The following KIF1B variants were observed in gnomAD, a reference collection of about 807,000 sequenced individuals.
The protein encoded by KIF1B is kinesin family member 1B.
KIF1B carries 76 observed loss-of-function variants against 241.9 expected under a neutral mutation model. The ratio of observed to expected loss-of-function variants is 0.31; its 90% CI spans 0.26 to 0.38. KIF1B has a LOEUF of 0.38. Ranked by LOEUF, KIF1B falls within the 10% of genes least tolerant of loss-of-function variation. The pLI, the probability that KIF1B is intolerant of heterozygous loss-of-function variation, is 1.00. For missense variants in KIF1B, 1,622 were observed against 2,271.4 expected, an observed-to-expected ratio of 0.71 and a Z score of 5.81; for synonymous variants, 750 against 796.7, an observed-to-expected ratio of 0.94 and a Z score of 0.99.
chr1:10,215,162 ATATATATATATTTTT>A (rs1359991361), intron 1 of KIF1B, among the ~76,000 whole-genome samples: 77 of 71,176 alleles, frequency 1.1e-3, no homozygotes, highest in African/African-American at 5.8e-3. Context: ...ATATATATAT[ATATATATATATTTTT>A]TTTTTTTTTT....
At chr1:10,294,950 C>T (rs1390103039) in intron 17 of KIF1B, 136 bp from the exon 18 acceptor site, 4 of 722,604 alleles carry the variant, frequency 5.5e-6, no homozygotes, top group Non-Finnish European at 1.0e-5. Context: ...TATGGAACCG[C>T]AACTAGGGAT....
Position 10,258,784 on chromosome 1 carries a change from A to G in KIF1B, c.363+112A>G, listed in dbSNP as rs946435419. 3.7e-6 allele frequency: 4 copies of G among 1,084,308 alleles called. No individual in the cohort carries two copies. In the African/African-American group the frequency reaches 4.7e-5, roughly 13 times the overall value. 67.2% of individuals were successfully genotyped at this position (1,084,308 alleles called of 1,614,324 possible). On this transcript the variant is annotated intron_variant, in intron 4 of 48. Coordinates refer to ENST00000676179, the MANE Select transcript of KIF1B (RefSeq NM_001365951.3). ...ATTTATGCGGGGATTGTTTTATGTC[A>G]GGCACAAAGATGAACAACCCATTAT...
intron 22 of KIF1B, chr1:10,307,740 G>A (rs1650900083): frequency 5.8e-6 from 6 of 1,032,756 alleles, no homozygotes; most frequent in Non-Finnish European, 5.8e-6. Context: ...TGGGAAAAAA[G>A]TGTTTATTCT....
At chr1:10,280,284 G>A (rs1649341654) in intron 14 of KIF1B, among the ~76,000 whole-genome samples, 1 of 151,838 alleles carries the variant, frequency 6.6e-6, no homozygotes, top group African/African-American at 2.4e-5. Context: ...CGCTAGGCTG[G>A]AGTTCAGTGG....
At chr1:10,305,191 A>G (rs1270780621) in intron 22 of KIF1B, 6 of 1,047,034 alleles carry the variant, frequency 5.7e-6, no homozygotes, top group South Asian at 4.5e-5. Flanking sequence ...AGCCAAAACT[A>G]AAGGTCTTCA....
chr1:10,281,526 T>C (rs1052444341), intron 14 of KIF1B, among the ~76,000 whole-genome samples: 1 of 152,188 alleles, frequency 6.6e-6, no homozygotes, highest in Non-Finnish European at 1.5e-5. Context: ...CAGTGACCCA[T>C]GGTTGTACTG....
intron 2 of KIF1B, among the ~76,000 whole-genome samples, chr1:10,244,277 A>G (rs1159584969): frequency 6.7e-6 from 1 of 148,898 alleles, no homozygotes; most frequent in Non-Finnish European, 1.5e-5. Flanking sequence ...AGTGTATAAA[A>G]TATTTTTATT....
intron 22 of KIF1B, chr1:10,306,757 T>TTA (rs1553166399): frequency 3.4e-4 from 190 of 566,838 alleles, no homozygotes; most frequent in Non-Finnish European, 3.7e-4. Flanking sequence ...AACCTGTCTT[T>TTA]AAAAAAAAAA....
intron 22 of KIF1B, chr1:10,304,010 G>C (rs752660393): frequency 2.5e-6 from 4 of 1,611,444 alleles, no homozygotes; most frequent in Non-Finnish European, 3.4e-6. Context: ...AAGCAGCTTC[G>C]TCGGCAGAAT....
chr1:10,294,838 A>G (rs894121277), intron 17 of KIF1B, among the ~76,000 whole-genome samples: 1 of 152,248 alleles, frequency 6.6e-6, no homozygotes, highest in Non-Finnish European at 1.5e-5. Flanking sequence ...GCTGTACTCT[A>G]GACAGAGCGA....
intron 14 of KIF1B, 144 bp downstream of exon 14, chr1:10,279,282 C>A (rs974708602): frequency 4.1e-6 from 2 of 489,008 alleles, no homozygotes; most frequent in East Asian, 3.2e-5. Flanking sequence ...AGAAATGATC[C>A]TATTTTTGCC....
chr1:10,320,010 C>A (rs753473816), intron 22 of KIF1B, 33 bp from the exon 23 acceptor site: 1 of 1,418,694 alleles, frequency 7.0e-7, no homozygotes, highest in Non-Finnish European at 1.0e-6. Flanking sequence ...TTTCTTCCCT[C>A]TCCTACATGT....
chr1:10,248,675 A>G (rs1177363634), intron 2 of KIF1B, among the ~76,000 whole-genome samples: 1 of 152,254 alleles, frequency 6.6e-6, no homozygotes, highest in Non-Finnish European at 1.5e-5. Context: ...GTGTTCTGTC[A>G]TCTGGTAATA....
At chr1:10,253,931 G>A (rs1647611818) in intron 2 of KIF1B, among the ~76,000 whole-genome samples, 1 of 152,196 alleles carries the variant, frequency 6.6e-6, no homozygotes, top group African/African-American at 2.4e-5. Context: ...ACTAAGCACC[G>A]TAGCAACTGT....
intron 44 of KIF1B, among the ~76,000 whole-genome samples, chr1:10,369,684 A>G (rs1242777113): frequency 1.3e-5 from 2 of 151,540 alleles, no homozygotes; most frequent in African/African-American, 2.4e-5. Context: ...TGTAATCCCA[A>G]CACTTTGGGA....
chr1:10,316,556 A>C (rs1651313299), intron 22 of KIF1B, among the ~76,000 whole-genome samples: 1 of 151,004 alleles, frequency 6.6e-6, no homozygotes, highest in African/African-American at 2.5e-5. Flanking sequence ...GCTGGAGTAC[A>C]GTGGCACGAT....
At chr1:10,271,221 T>C (rs1359169008) in intron 7 of KIF1B, among the ~76,000 whole-genome samples, 5 of 152,010 alleles carry the variant, frequency 3.3e-5, no homozygotes, top group South Asian at 4.1e-4. Flanking sequence ...AAGGGTGTTA[T>C]ATGTTGCCAG....
intron 1 of KIF1B, among the ~76,000 whole-genome samples, chr1:10,211,091 G>C (rs906666627): frequency 3.3e-5 from 5 of 152,134 alleles, no homozygotes; most frequent in Middle Eastern, 6.8e-3. Context: ...GCGGTCGGCT[G>C]GGGCCCCCGC....
intron 29 of KIF1B, 117 bp from the exon 30 acceptor site, chr1:10,336,957 T>C: frequency 7.2e-7 from 1 of 1,382,424 alleles, no homozygotes; most frequent in Non-Finnish European, 1.0e-6. Context: ...CAGCCCTCAG[T>C]CCATATAATT....
Sources: allele counts gnomAD v4.1 joint callset (sites outside exome capture counted in the v4.1 genomes callset), GRCh38; gene constraint gnomAD v4.1.1; transcripts MANE v1.5; gene names NCBI Gene and HGNC (gene_info 2026-07-23, HGNC 2026-07-21).